Variants in NAV2 observed in about 807,000 individuals in gnomAD.
NAV2 encodes the protein helicase, APC down-regulated 1.
A neutral mutation model predicts 223.2 loss-of-function variants in NAV2; 54 were observed. The ratio of observed to expected loss-of-function variants is 0.24; its 90% CI spans 0.19 to 0.30. The LOEUF (loss-of-function observed/expected upper bound fraction) is 0.30. Ranked by LOEUF, NAV2 falls within the 10% of genes least tolerant of loss-of-function variation. The pLI is 1.00. For missense variants in NAV2, 2,806 were observed against 3,147.5 expected (o/e 0.89, Z 2.60); for synonymous variants, 1,279 against 1,239.3 (o/e 1.03, Z -0.67).
intron 19 of NAV2, 118 bp downstream of exon 19, chr11:20,056,075 GCTCCCACCT>G: frequency 1.1e-6 from 1 of 903,532 alleles, no homozygotes; most frequent in Non-Finnish European, 1.7e-6. Flanking sequence ...ACCTATAAGT[GCTCCCACCT>G]CTCCCACCTA....
At chr11:20,003,342 A>G (rs185723982) in intron 11 of NAV2, among the ~76,000 whole-genome samples, 1 of 152,250 alleles carries the variant, frequency 6.6e-6, no homozygotes. Flanking sequence ...TGAGGGGAAA[A>G]ACTATGGCCA....
At chr11:19,809,074 T>G (rs1460251854) in intron 1 of NAV2, among the ~76,000 whole-genome samples, 1 of 152,222 alleles carries the variant, frequency 6.6e-6, no homozygotes, top group Non-Finnish European at 1.5e-5. Context: ...AGTTCTTTCA[T>G]GGCCCTTTTG....
chr11:19,764,764 C>T (rs1012892683), intron 1 of NAV2, among the ~76,000 whole-genome samples: 3 of 152,182 alleles, frequency 2.0e-5, no homozygotes, highest in African/African-American at 7.2e-5. Context: ...TCATCTCAAA[C>T]TGGTCATGCC....
chr11:19,568,469 G>T (rs1020797995), intron 1 of NAV2, among the ~76,000 whole-genome samples: 4 of 152,164 alleles, frequency 2.6e-5, no homozygotes, highest in Non-Finnish European at 4.4e-5. Context: ...GTTCTGGATT[G>T]TGATTGTGAG....
rs5790073 is a variant in NAV2 at position 19,393,906 on chromosome 11, C to CTTTTTT, written c.75+42887_75+42892dup. ...TTTATAACTTAAGGGTTTTTTTTTT[C>CTTTTTT]TTTTTTTTTTTTTAGGTCAAATCTC... On this transcript the variant is annotated intron_variant, in intron 1 of 37. Transcript: ENST00000360655. Among the ~76,000 whole-genome samples, 461 of 135,686 alleles carry CTTTTTT rather than the reference C, an allele frequency of 3.4e-3. 8 individuals carry two copies. Among genetic ancestry groups the CTTTTTT allele is most frequent in the African/African-American group, 0.012 (432 of 36,144 alleles). 89.0% of individuals were successfully genotyped at this position (135,686 alleles called of 152,430 possible). A position where few individuals can be genotyped will look rare whatever the true frequency, so the allele number is the denominator to read the frequency against.
chr11:20,071,792 T>C (rs745609619), intron 22 of NAV2, among the ~76,000 whole-genome samples: 1 of 152,244 alleles, frequency 6.6e-6, no homozygotes, highest in Non-Finnish European at 1.5e-5. Context: ...GGTGTTTTTT[T>C]CTTGTAAATT....
At chr11:19,736,908 G>T (rs1272573849) in intron 1 of NAV2, among the ~76,000 whole-genome samples, 3 of 152,198 alleles carry the variant, frequency 2.0e-5, no homozygotes, top group Non-Finnish European at 4.4e-5. Context: ...TTTTCTGAGG[G>T]GCCCCTACCA....
At chr11:20,043,453 TTTC>T (rs1248504059) in intron 12 of NAV2, among the ~76,000 whole-genome samples, 3 of 152,176 alleles carry the variant, frequency 2.0e-5, no homozygotes, top group African/African-American at 4.8e-5. Context: ...TTGCTTTTCT[TTTC>T]TTCTTTTTTG....
At chr11:19,566,981 AC>A (rs1221126361) in intron 1 of NAV2, among the ~76,000 whole-genome samples, 1 of 152,204 alleles carries the variant, frequency 6.6e-6, no homozygotes, top group African/African-American at 2.4e-5. Context: ...TGCAGCTGTC[AC>A]TTTTGCAGGC....
At chr11:20,093,221 G>T in intron 29 of NAV2, 22 bp downstream of exon 29, 1 of 1,522,930 alleles carries the variant, frequency 6.6e-7, no homozygotes, top group Non-Finnish European at 9.1e-7. Context: ...CCCTTTCCCT[G>T]CTTTGCCTGT....
At chr11:19,587,985 G>A (rs1003492179) in intron 1 of NAV2, among the ~76,000 whole-genome samples, 1 of 152,210 alleles carries the variant, frequency 6.6e-6, no homozygotes, top group Non-Finnish European at 1.5e-5. Flanking sequence ...TCAACCATGA[G>A]GGCTGTCACC....
In NAV2 at chr11:20,053,218, GAAAAAAAAAA is replaced by G. The variant is rs60421659; in HGVS notation, c.4482-846_4482-837del. Among the ~76,000 whole-genome samples, 4 of 40,974 alleles carry G rather than the reference GAAAAAAAAAA, an allele frequency of 9.8e-5. No homozygotes were observed. In the Admixed American group the frequency reaches 1.4e-3, roughly 14 times the overall value. 26.9% of individuals were successfully genotyped at this position (40,974 alleles called of 152,430 possible). The stretch of plus-strand genomic sequence containing the variant: ...GGGCAGTAGAGCAAGACTACGTCTC[GAAAAAAAAAA>G]AAAAAAAAAAAAAAAGGAAAGAAAT... On this transcript the variant is annotated intron_variant, in intron 17 of 37. Coordinates refer to ENST00000349880, the MANE Select transcript of NAV2 (RefSeq NM_145117.5).
At chr11:19,931,981 C>T (rs571333202) in intron 6 of NAV2, among the ~76,000 whole-genome samples, 7 of 152,252 alleles carry the variant, frequency 4.6e-5, no homozygotes, top group East Asian at 3.9e-4. Context: ...CTGCATCATC[C>T]GGGGCACTGA....
intron 20 of NAV2, among the ~76,000 whole-genome samples, chr11:20,066,816 T>C (rs2059072779): frequency 6.6e-6 from 1 of 152,176 alleles, no homozygotes; most frequent in African/African-American, 2.4e-5. Flanking sequence ...ATAGAGTTCT[T>C]ACTGATGTTC....
intron 1 of NAV2, among the ~76,000 whole-genome samples, chr11:19,644,132 G>A (rs535882005): frequency 6.6e-6 from 1 of 152,372 alleles, no homozygotes; most frequent in African/African-American, 2.4e-5. Context: ...CCTGGAGGGG[G>A]ATGGGGTATG....
At chr11:19,396,542 A>G (rs922298724) in intron 1 of NAV2, among the ~76,000 whole-genome samples, 1 of 152,196 alleles carries the variant, frequency 6.6e-6, no homozygotes, top group Non-Finnish European at 1.5e-5. Flanking sequence ...TATGAGATCC[A>G]TGAAGTCTGT....
At chr11:19,704,488 G>A (rs1396119168) in intron 1 of NAV2, among the ~76,000 whole-genome samples, 2 of 152,098 alleles carry the variant, frequency 1.3e-5, no homozygotes, top group African/African-American at 4.8e-5. Context: ...ATTGGCAGTA[G>A]GATCTTAAGT....
At chr11:19,674,209 G>C (rs60821953) in intron 1 of NAV2, among the ~76,000 whole-genome samples, 1 of 152,168 alleles carries the variant, frequency 6.6e-6, no homozygotes, top group African/African-American at 2.4e-5. Context: ...TGAAGCCGCC[G>C]TCTCCCTGAG....
At position 19,670,391 on chromosome 11, in the gene NAV2, C is replaced by T. The variant is rs80209365; in HGVS notation, c.76-162093C>T. On this transcript the variant is annotated intron_variant, in intron 1 of 37. Coordinates refer to the NAV2 transcript ENST00000360655. The stretch of plus-strand genomic sequence containing the variant: ...CCACTCCTCCTCACTGCTGCATCTC[C>T]GGGGACTCCCGCTGAGTTTACAAAC... Among the ~76,000 whole-genome samples, 83 of 152,332 alleles carry T rather than the reference C, an allele frequency of 5.4e-4. No homozygotes were observed. In the East Asian group the frequency reaches 0.014, roughly 26 times the overall value.
Sources: gnomAD v4.1 joint callset for allele counts (sites outside exome capture counted in the v4.1 genomes callset) on GRCh38, gnomAD v4.1.1 for gene constraint, MANE v1.5 for transcripts, NCBI Gene and HGNC (gene_info 2026-07-23, HGNC 2026-07-21) for gene names.